Variants in TNR observed in about 807,000 individuals in gnomAD.
TNR encodes tenascin R, also known as tenascin-R.
Under a neutral mutation model 150.4 loss-of-function variants are expected in TNR, and 45 were observed. That is an observed-to-expected ratio of 0.30 (90% confidence interval 0.24 to 0.38). TNR has a LOEUF of 0.38. Among genes scored for constraint, TNR ranks in the 10% least tolerant of loss-of-function variants. The probability of loss-of-function intolerance (pLI) is 1.00; values close to 1 mark genes in which losing one functional copy is unlikely to be tolerated. For synonymous variants in TNR, 687 were observed against 678.4 expected (o/e 1.01, Z -0.20); for missense variants, 1,544 against 1,759.1 (o/e 0.88, Z 2.19).
At chr1:175,528,729 G>T (rs893719445) in intron 1 of TNR, among the ~76,000 whole-genome samples, 2 of 152,082 alleles carry the variant, frequency 1.3e-5, no homozygotes, top group Admixed American at 6.6e-5. Context: ...CCCTCCAAAA[G>T]GCCTCCCATA....
Position 175,318,499 on chromosome 1 carries a change from C to T in TNR, c.*4858G>A, listed in dbSNP as rs1648903524. ...CTTAAAGCATATAGGAGTTACTTTC[C>T]CTGCTTGCTTTTGAAAGTTTTCATT... On this transcript the variant is annotated 3_prime_UTR_variant, in exon 23 of 23. Coordinates refer to ENST00000367674, the MANE Select transcript of TNR (RefSeq NM_003285.3). The T allele has an allele frequency of 6.6e-6, 1 of 152,144 alleles. No homozygotes were observed. Among genetic ancestry groups the T allele is most frequent in the Admixed American group, 6.5e-5 (1 of 15,268 alleles). 9.4% of individuals were successfully genotyped at this position (152,144 alleles called of 1,614,324 possible). A position where few individuals can be genotyped will look rare whatever the true frequency, so the allele number is the denominator to read the frequency against.
At chr1:175,560,472 T>C (rs547755755) in intron 1 of TNR, among the ~76,000 whole-genome samples, 9 of 152,264 alleles carry the variant, frequency 5.9e-5, no homozygotes, top group Non-Finnish European at 7.3e-5. Flanking sequence ...GCAAACTTTG[T>C]CAGGGGCCTT....
At chr1:175,503,650 A>T (rs1658831603) in intron 2 of TNR, among the ~76,000 whole-genome samples, 1 of 152,200 alleles carries the variant, frequency 6.6e-6, no homozygotes, top group South Asian at 2.1e-4. Context: ...TTCTCCCAGC[A>T]GAATGAGTGC....
chr1:175,486,045 A>G (rs1657997394), intron 2 of TNR, among the ~76,000 whole-genome samples: 2 of 151,770 alleles, frequency 1.3e-5, no homozygotes, highest in Non-Finnish European at 2.9e-5. Flanking sequence ...AGAGAAGACA[A>G]TTTTTCCATT....
At chr1:175,623,761 G>A (rs1664055477) in intron 1 of TNR, among the ~76,000 whole-genome samples, 1 of 152,234 alleles carries the variant, frequency 6.6e-6, no homozygotes, top group African/African-American at 2.4e-5. Flanking sequence ...CCACATGTAT[G>A]ATGATAAAAT....
chr1:175,315,563 T>C lies in TNR; in HGVS notation c.*7794A>G, dbSNP rs1451216923. On this transcript the variant is annotated 3_prime_UTR_variant, in exon 23 of 23. Transcript: ENST00000367674. Reference sequence around the variant, plus strand: ...CTGAAAAGGCTGTTAAAGGTTAAAATGACAAACTCAAATTCAAAGGGATTG... The same window carrying C: ...CTGAAAAGGCTGTTAAAGGTTAAAACGACAAACTCAAATTCAAAGGGATTG... 1 of 152,166 alleles carries C rather than the reference T, an allele frequency of 6.6e-6. No homozygotes were observed. The highest frequency in any genetic ancestry group is 1.5e-5 in the Non-Finnish European group (1 of 68,028). 9.4% of individuals were successfully genotyped at this position (152,166 alleles called of 1,614,324 possible).
At chr1:175,658,962 A>G (rs1183170364) in intron 1 of TNR, among the ~76,000 whole-genome samples, 2 of 152,222 alleles carry the variant, frequency 1.3e-5, no homozygotes, top group Non-Finnish European at 2.9e-5. Context: ...GGAAGTTGGC[A>G]AATATTCAGT....
chr1:175,424,443 G>A (rs181102498), intron 2 of TNR, among the ~76,000 whole-genome samples: 36 of 152,278 alleles, frequency 2.4e-4, no homozygotes, highest in African/African-American at 7.5e-4. Context: ...AAGTGTTGAC[G>A]AGGTGACCAG....
rs184321445 is a variant in TNR at position 175,435,891 on chromosome 1, T to G, written c.-63-29114A>C. On this transcript the variant is annotated intron_variant, in intron 2 of 22. Coordinates refer to ENST00000367674, the MANE Select transcript of TNR (RefSeq NM_003285.3). ...GTAAAGGATTTTATTTCTCCTTCACTTATGAAGCTTAGTTTGGCTGGATAT... is the reference window on the plus strand; with the variant it reads ...GTAAAGGATTTTATTTCTCCTTCACGTATGAAGCTTAGTTTGGCTGGATAT... 5.1e-3 allele frequency among the ~76,000 whole-genome samples: 773 copies of G among 152,328 alleles called. 9 individuals are homozygous for G. The highest frequency in any genetic ancestry group is 6.4e-3 in the Non-Finnish European group (434 of 68,028).
chr1:175,502,578 C>T lies in TNR; in HGVS notation c.-64+25691G>A, dbSNP rs539749930. Among the ~76,000 whole-genome samples, 10 of 152,304 alleles carry T rather than the reference C, an allele frequency of 6.6e-5. No individual in the cohort carries two copies. In the East Asian group the frequency reaches 1.4e-3, roughly 21 times the overall value. On this transcript the variant is annotated intron_variant, in intron 2 of 22. Coordinates refer to ENST00000367674, the MANE Select transcript of TNR (RefSeq NM_003285.3). Reference sequence around the variant, plus strand: ...AAATCAGTTCTTCCCACTGCTCAATCTTGCCTTCCTCACCTTCTTAGAGGC... The same window carrying T: ...AAATCAGTTCTTCCCACTGCTCAATTTTGCCTTCCTCACCTTCTTAGAGGC...
intron 8 of TNR, among the ~76,000 whole-genome samples, chr1:175,380,120 T>G (rs559838640): frequency 2.4e-4 from 37 of 152,308 alleles, no homozygotes; most frequent in Middle Eastern, 3.4e-3. Context: ...AATATCAAAT[T>G]TGACCACTAA....
chr1:175,615,207 C>A (rs548933024), intron 1 of TNR, among the ~76,000 whole-genome samples: 80 of 152,278 alleles, frequency 5.3e-4, no homozygotes, highest in African/African-American at 1.9e-3. Context: ...AGAGTACAAC[C>A]AAATTCTATT....
At chr1:175,539,248 A>G (rs1660406720) in intron 1 of TNR, 1 of 152,278 alleles carries the variant, frequency 6.6e-6, no homozygotes, top group African/African-American at 2.4e-5. Flanking sequence ...CTGATCACTT[A>G]TTATCAGCAA....
chr1:175,483,982 A>G (rs567123134), intron 2 of TNR, among the ~76,000 whole-genome samples: 2 of 152,278 alleles, frequency 1.3e-5, no homozygotes, highest in Non-Finnish European at 1.5e-5. Context: ...GGTGCTGGCC[A>G]GTTCACTTGT....
chr1:175,563,606 G>A (rs1661518423), intron 1 of TNR, among the ~76,000 whole-genome samples: 1 of 152,168 alleles, frequency 6.6e-6, no homozygotes, highest in Non-Finnish European at 1.5e-5. Flanking sequence ...TTAAATTAGG[G>A]CAGCCTTACA....
At position 175,438,364 on chromosome 1, in the gene TNR, T is replaced by C. The variant is rs192329294; in HGVS notation, c.-63-31587A>G. On this transcript the variant is annotated intron_variant, in intron 2 of 22. Coordinates refer to ENST00000367674, the MANE Select transcript of TNR (RefSeq NM_003285.3). ...TAAAAACTCTCAATAAATTAGGTAT[T>C]GATGGGACGTATCTCAAAATAATAA... Among the ~76,000 whole-genome samples, 718 of 152,312 alleles carry C rather than the reference T, an allele frequency of 4.7e-3. 1 individual carries two copies. The highest frequency in any genetic ancestry group is 8.0e-3 in the Non-Finnish European group (545 of 68,028).
At chr1:175,324,320 C>T in intron 22 of TNR, 36 bp downstream of exon 22, 2 of 1,603,230 alleles carry the variant, frequency 1.2e-6, no homozygotes, top group Non-Finnish European at 1.7e-6. Flanking sequence ...TTCCACAGCT[C>T]TGGCTCATTC....
chr1:175,723,036 C>T (rs1667360738), intron 1 of TNR, among the ~76,000 whole-genome samples: 1 of 151,830 alleles, frequency 6.6e-6, no homozygotes, highest in African/African-American at 2.4e-5. Flanking sequence ...ATGATCTGCC[C>T]ACCTCGGCCT....
intron 1 of TNR, among the ~76,000 whole-genome samples, chr1:175,652,048 T>C (rs1235168018): frequency 4.7e-5 from 7 of 149,556 alleles, no homozygotes; most frequent in Non-Finnish European, 5.9e-5. Flanking sequence ...ATAGAACTTT[T>C]TTAATCTGAT....
Sources: gnomAD v4.1 joint callset for allele counts (sites outside exome capture counted in the v4.1 genomes callset) on GRCh38, gnomAD v4.1.1 for gene constraint, MANE v1.5 for transcripts, NCBI Gene and HGNC (gene_info 2026-07-23, HGNC 2026-07-21) for gene names.